Variants in GRIP2 observed in about 807,000 individuals in gnomAD.
GRIP2 encodes glutamate receptor-interacting protein 2.
Under a neutral mutation model 108.3 loss-of-function variants are expected in GRIP2, and 58 were observed. The observed-to-expected ratio is 0.54, with a 90% CI of 0.43 to 0.67. The LOEUF is 0.67. GRIP2 is among the 30% of genes least tolerant of loss of function. The pLI is 0.00. For synonymous variants in GRIP2, 586 were observed against 598.2 expected, an observed-to-expected ratio of 0.98 and a Z score of 0.30; for missense variants, 1,278 against 1,430.6, an observed-to-expected ratio of 0.89 and a Z score of 1.72.
Position 14,511,608 on chromosome 3 carries a change from G to T in GRIP2, c.1721-129C>A. 1 of 861,590 alleles carries T rather than the reference G, an allele frequency of 1.2e-6. No individual in the cohort carries two copies. Among genetic ancestry groups the T allele is most frequent in the Non-Finnish European group, 1.8e-6 (1 of 542,552 alleles). The allele number at this position is 861,590 out of a possible 1,614,324, so 53.4% of individuals were successfully genotyped here. The stretch of plus-strand genomic sequence containing the variant: ...CACATCCTGGTCCCACTGCTTCCTG[G>T]CTGGGTGACCGTGAGCAAATCAGCT... On this transcript the variant is annotated intron_variant, in intron 14 of 23. Transcript: ENST00000621039. This position sits in a 1 kb window ranked among gnomAD's most constrained non-coding sequence, Gnocchi z 4.1.
chr3:14,589,779 CTT>C, the GRIP2 span, among the ~76,000 whole-genome samples: 19 of 119,010 alleles, frequency 1.6e-4, no homozygotes, highest in Admixed American at 1.8e-4. Context: ...ACAGACTACA[CTT>C]TTTTTTTTTT....
chr3:14,512,212 T>C lies in GRIP2; in HGVS notation c.1720+565A>G, dbSNP rs1173182814. ...GCTGACTGCGGCTGGAGGGCTTGAGTTGGGGAGAGTCGGGAGATGAGGTCA... is the reference window on the plus strand; with the variant it reads ...GCTGACTGCGGCTGGAGGGCTTGAGCTGGGGAGAGTCGGGAGATGAGGTCA... On this transcript the variant is annotated intron_variant, in intron 14 of 23. Transcript: ENST00000621039. The surrounding 1 kb of genome is among the most constrained non-coding windows in gnomAD (Gnocchi z 5.1). Among the ~76,000 whole-genome samples the C allele has an allele frequency of 1.3e-5, 2 of 151,596 alleles. No individual in the cohort carries two copies. The highest frequency in any genetic ancestry group is 1.9e-4 in the East Asian group (1 of 5,168).
the GRIP2 span, among the ~76,000 whole-genome samples, chr3:14,602,532 G>A: frequency 1.3e-5 from 2 of 151,782 alleles, no homozygotes; most frequent in African/African-American, 4.8e-5. This position sits in a 1 kb window ranked among gnomAD's most constrained non-coding sequence, Gnocchi z 4.7. Flanking sequence ...GGAGGGAGCA[G>A]GTGAGGCACG....
At chr3:14,600,202 C>G in the GRIP2 span, among the ~76,000 whole-genome samples, 2 of 152,258 alleles carry the variant, frequency 1.3e-5, no homozygotes, top group East Asian at 3.9e-4. Context: ...CTCTGACCAA[C>G]GAGCCCAACA....
the GRIP2 span, among the ~76,000 whole-genome samples, chr3:14,578,133 C>T: frequency 1.3e-5 from 2 of 152,202 alleles, no homozygotes; most frequent in Non-Finnish European, 2.9e-5. Flanking sequence ...GCCTCTGAAG[C>T]TGAGCCTTTG....
intron 10 of GRIP2, among the ~76,000 whole-genome samples, chr3:14,517,432 C>T (rs766030867): frequency 4.1e-5 from 6 of 147,020 alleles, no homozygotes; most frequent in Non-Finnish European, 4.5e-5. Flanking sequence ...CTATTAGGGA[C>T]GGGGCCAATC....
chr3:14,576,604 T>C, the GRIP2 span, among the ~76,000 whole-genome samples: 1 of 152,190 alleles, frequency 6.6e-6, no homozygotes, highest in Non-Finnish European at 1.5e-5. Flanking sequence ...AGAGAGCAAG[T>C]AATGATATCA....
chr3:14,539,791 A>C (rs1694917356), intron 1 of GRIP2, among the ~76,000 whole-genome samples: 1 of 151,822 alleles, frequency 6.6e-6, no homozygotes, highest in Non-Finnish European at 1.5e-5. Context: ...AGACCCCCAA[A>C]CCAGAGTTTC....
chr3:14,574,439 C>T, the GRIP2 span: 7 of 713,832 alleles, frequency 9.8e-6, no homozygotes, highest in Non-Finnish European at 1.8e-5. Flanking sequence ...CTTCCCGCTT[C>T]CGCCAGCCTC....
upstream of GRIP2, chr3:14,541,726 G>A (rs1694974818): frequency 2.1e-6 from 1 of 468,656 alleles, no homozygotes; most frequent in Non-Finnish European, 4.0e-6. Context: ...AAGGGTCCAG[G>A]TGCCAGGCAA....
In GRIP2 at chr3:14,524,397, C is replaced by G. The variant is rs554512672; in HGVS notation, c.399G>C (p.Pro133=). The G allele has an allele frequency of 2.5e-6, 4 of 1,609,718 alleles. No individual in the cohort carries two copies. Among genetic ancestry groups the G allele is most frequent in the South Asian group, 2.2e-5 (2 of 89,756 alleles). The change falls in exon 4 of 24, where the codon CCG becomes CCC. Residue 133 remains proline, a synonymous_variant. Coordinates refer to ENST00000621039, the MANE Select transcript of GRIP2 (RefSeq NM_001080423.4). ...VVLEVEYELP[P]PAPENNPRII... The stretch of plus-strand genomic sequence containing the variant: ...TCCCCGTCCAAGGGCACCCACCGGG[C>G]GGGGGCAGCTCATACTCCACCTCCA...
the GRIP2 span, among the ~76,000 whole-genome samples, chr3:14,575,394 G>T: frequency 1.3e-5 from 2 of 152,134 alleles, no homozygotes; most frequent in South Asian, 2.1e-4. Flanking sequence ...GAGCACACGT[G>T]GGGTGAGGAA....
At position 14,528,203 on chromosome 3, in the gene GRIP2, A is replaced by G. The variant is rs550124099; in HGVS notation, c.41-2272T>C. On this transcript the variant is annotated intron_variant, in intron 1 of 23. Coordinates refer to ENST00000621039, the MANE Select transcript of GRIP2 (RefSeq NM_001080423.4). Reference sequence around the variant, plus strand: ...CTAGTTTCTTACATTTAGCATAACCATTTGAGATTCAGCCACAGTGTCGTG... The same window carrying G: ...CTAGTTTCTTACATTTAGCATAACCGTTTGAGATTCAGCCACAGTGTCGTG... Among the ~76,000 whole-genome samples the G allele has an allele frequency of 5.4e-4, 82 of 152,284 alleles. 1 individual carries two copies. In the South Asian group the frequency reaches 0.016, roughly 30 times the overall value.
chr3:14,503,467 T>G, intron 21 of GRIP2, 99 bp downstream of exon 21: 1 of 803,094 alleles, frequency 1.2e-6, no homozygotes, highest in Non-Finnish European at 2.0e-6. Context: ...ACATTACACA[T>G]GAGCATGATG....
At chr3:14,564,306 G>A in the GRIP2 span, among the ~76,000 whole-genome samples, 4 of 152,258 alleles carry the variant, frequency 2.6e-5, no homozygotes. Context: ...GGCCGCGTGG[G>A]TGGAGGTGTC....
upstream of GRIP2, chr3:14,542,200 G>C: frequency 5.4e-6 from 3 of 556,400 alleles, no homozygotes; most frequent in Non-Finnish European, 8.2e-6. Flanking sequence ...CTGTCACCTG[G>C]GCTGGAGTGC....
intron 1 of GRIP2, chr3:14,555,774 T>A (rs1695228120): frequency 5.0e-6 from 2 of 398,866 alleles, no homozygotes; most frequent in Admixed American, 4.4e-5. Context: ...GAGAGAGAGA[T>A]GCAGCAGAGA....
intron 21 of GRIP2, among the ~76,000 whole-genome samples, chr3:14,502,493 C>CAAA (rs10641106): frequency 2.7e-4 from 34 of 126,692 alleles, no homozygotes; most frequent in African/African-American, 5.5e-4. Context: ...GACTCTGTCT[C>CAAA]AAAAAAAAAA....
At chr3:14,577,127 T>C in the GRIP2 span, among the ~76,000 whole-genome samples, 1 of 152,232 alleles carries the variant, frequency 6.6e-6, no homozygotes, top group Admixed American at 6.5e-5. Flanking sequence ...GAATTTAATG[T>C]TGGCATGGAG....
Sources: gnomAD v4.1 joint callset for allele counts (sites outside exome capture counted in the v4.1 genomes callset) on GRCh38, gnomAD v4.1.1 for gene constraint, Gnocchi (gnomAD v3.1) non-coding constraint, MANE v1.5 for transcripts, NCBI Gene and HGNC (gene_info 2026-07-23, HGNC 2026-07-21) for gene names.